INPP5E: variants seen among roughly 807,000 people sequenced by gnomAD.
INPP5E encodes phosphatidylinositol polyphosphate 5-phosphatase type IV.
Under a neutral mutation model 50.5 loss-of-function variants are expected in INPP5E, and 34 were observed. That is an observed-to-expected ratio of 0.67 (90% CI 0.51 to 0.90). The LOEUF is 0.90. Ranked by LOEUF, INPP5E falls within the 40% of genes least tolerant of loss-of-function variation. The pLI is 0.00. For missense variants in INPP5E, 942 were observed against 905.5 expected (o/e 1.04, Z -0.52); for synonymous variants, 447 against 406.0 (o/e 1.10, Z -1.21).
rs1835943591 is a variant in INPP5E, at chr9:136,439,576, C to A, written c.-157G>T. Reference sequence around the variant, plus strand: ...GGTCGCGGAGGGGCGGGGGCGGCTGCCGCATGGCCCGGGCCCCGAGTCCCG... The same window carrying A: ...GGTCGCGGAGGGGCGGGGGCGGCTGACGCATGGCCCGGGCCCCGAGTCCCG... On this transcript the variant is annotated 5_prime_UTR_variant, in exon 1 of 10. Coordinates refer to ENST00000371712, the MANE Select transcript of INPP5E (RefSeq NM_019892.6). 4.3e-6 allele frequency: 2 copies of A among 461,120 alleles called. No individual in the cohort carries two copies. The highest frequency in any genetic ancestry group is 9.0e-5 in the South Asian group (1 of 11,128). The allele number at this position is 461,120 out of a possible 1,614,324, so 28.6% of individuals were successfully genotyped here. A position where few individuals can be genotyped will look rare whatever the true frequency, so the allele number is the denominator to read the frequency against.
rs145202738 is a variant in INPP5E, at chr9:136,438,205, G to A, written c.812+403C>T. 1,753 of 243,590 alleles carry A rather than the reference G, an allele frequency of 7.2e-3. 28 individuals are homozygous for A. Among genetic ancestry groups the A allele is most frequent in the African/African-American group, 0.037 (1,599 of 43,622 alleles). The allele number at this position is 243,590 out of a possible 1,614,324, so 15.1% of individuals were successfully genotyped here. On this transcript the variant is annotated intron_variant, in intron 1 of 9. Transcript: ENST00000371712. ...CAGGAGGATCCCTTGAACCCAGGAG[G>A]CAGAGGTTGCAGTGAGCCGGGATCG...
chr9:136,435,720 G>A (rs1417861300), intron 1 of INPP5E: 2 of 152,258 alleles, frequency 1.3e-5, no homozygotes, highest in South Asian at 4.2e-4. Flanking sequence ...GCCGCTCCGT[G>A]GGACATCCAG....
chr9:136,433,051 G>A lies in INPP5E; in HGVS notation c.1184C>T (p.Thr395Ile). The A allele has an allele frequency of 6.2e-7, 1 of 1,613,376 alleles. No individual in the cohort carries two copies. Among genetic ancestry groups the A allele is most frequent in the Non-Finnish European group, 8.5e-7 (1 of 1,179,938 alleles). ...GGTCTTGATCTGAGACACGATGCGTGTGGTCACCGTGGAGCACTCCACCTC... is the reference window on the plus strand; with the variant it reads ...GGTCTTGATCTGAGACACGATGCGTATGGTCACCGTGGAGCACTCCACCTC... ...CSEVECSTVT[T>I]RIVSQIKTKG... Residue 395 changes from threonine to isoleucine, a missense_variant, in exon 5 of 10, where the codon ACA becomes ATA. Transcript: ENST00000371712.
At position 136,429,578 on chromosome 9, in the gene INPP5E, G is replaced by T; in HGVS notation, c.*97C>A. 2 of 1,516,232 alleles carry T rather than the reference G, an allele frequency of 1.3e-6. No individual in the cohort carries two copies. Among genetic ancestry groups the T allele is most frequent in the Non-Finnish European group, 1.8e-6 (2 of 1,103,354 alleles). The allele number at this position is 1,516,232 out of a possible 1,614,324, so 93.9% of individuals were successfully genotyped here. On this transcript the variant is annotated 3_prime_UTR_variant, in exon 10 of 10. Transcript: ENST00000371712. The stretch of plus-strand genomic sequence containing the variant: ...AGAGGCACGGTCGCCACAGTCCCTC[G>T]GATCCCCGAAAGGCGGCAAACTCTT...
At chr9:136,436,341 C>T (rs982762669) in intron 1 of INPP5E, 7 of 152,396 alleles carry the variant, frequency 4.6e-5, no homozygotes, top group African/African-American at 1.7e-4. Flanking sequence ...GCCGGCAGCG[C>T]CCATCATGTC....
At chr9:136,429,925 G>C in intron 9 of INPP5E, 118 bp from the exon 10 acceptor site, 1 of 785,260 alleles carries the variant, frequency 1.3e-6, no homozygotes, top group Non-Finnish European at 2.2e-6. Context: ...AGGATGAGGG[G>C]CTGTTAGGTG....
In INPP5E at chr9:136,434,813, TCCGCC is replaced by T; in HGVS notation, c.858_862del (p.Ala287Ter). The T allele has an allele frequency of 1.9e-6, 3 of 1,606,820 alleles. No homozygotes were observed. Among genetic ancestry groups the T allele is most frequent in the Non-Finnish European group, 2.5e-6 (3 of 1,177,116 alleles). On this transcript the variant is annotated frameshift_variant, in exon 2 of 10. Coordinates refer to ENST00000371712, the MANE Select transcript of INPP5E (RefSeq NM_019892.6). LOFTEE classifies it high-confidence loss of function. ...GTCTGGGAAGTAGCGGGCCAGCTCA[TCCGCC>T]CCCAACAGGGCCCCGCTGGCCAGGA...
chr9:136,430,318 CA>C lies in INPP5E; in HGVS notation c.1760del (p.Val587GlyfsTer7), dbSNP rs775518991. On this transcript the variant is annotated frameshift_variant, in exon 9 of 10. Coordinates refer to ENST00000371712, the MANE Select transcript of INPP5E (RefSeq NM_019892.6). LOFTEE classifies it high-confidence loss of function. ...PGIKTSDHRP[V>X]YGLFRVKVRP... ...TCACTTTCACCCGGAAGAGGCCATA[CA>C]CAGGGCGGTGGTCGGACGTCTTGAT... 64 of 1,551,940 alleles carry C rather than the reference CA, an allele frequency of 4.1e-5. No individual in the cohort carries two copies. Among genetic ancestry groups the C allele is most frequent in the Non-Finnish European group, 5.5e-5 (63 of 1,147,152 alleles).
chr9:136,438,447 T>C, intron 1 of INPP5E, 161 bp downstream of exon 1: 2 of 684,066 alleles, frequency 2.9e-6, no homozygotes, highest in South Asian at 3.4e-5. Flanking sequence ...GGCGCTGCTG[T>C]GGGGTGGGGC....
In INPP5E at chr9:136,439,040, C is replaced by A; in HGVS notation, c.380G>T (p.Ser127Ile). 1 of 1,579,246 alleles carries A rather than the reference C, an allele frequency of 6.3e-7. No individual in the cohort carries two copies. The highest frequency in any genetic ancestry group is 1.2e-5 in the South Asian group (1 of 86,744). The change falls in exon 1 of 10, where the codon AGC becomes ATC. Residue 127 changes from serine (S) to isoleucine (I), a missense_variant. Physicochemically the swap from Ser to Ile is moderately radical, Grantham distance 142 (BLOSUM62 -2). Transcript: ENST00000371712. Reference sequence around the variant, plus strand: ...GGTGCTCAGGCAGGGCGGGGAGCAGCTGTGGGCGGGGGCCCCGGGGCCCTC... The same window carrying A: ...GGTGCTCAGGCAGGGCGGGGAGCAGATGTGGGCGGGGGCCCCGGGGCCCTC... Reference protein sequence around the residue: ...QSEGPGAPAHSCSPPCLSTSL... With the variant: ...QSEGPGAPAHICSPPCLSTSL...
intron 2 of INPP5E, 112 bp from the exon 3 acceptor site, chr9:136,434,246 A>T: frequency 1.3e-6 from 1 of 776,046 alleles, no homozygotes; most frequent in South Asian, 1.5e-5. Context: ...ATGAGGGGAA[A>T]CTGAGGCCAG....
At chr9:136,434,509 C>T (rs1016424253) in intron 2 of INPP5E, among the ~76,000 whole-genome samples, 1 of 151,940 alleles carries the variant, frequency 6.6e-6, no homozygotes, top group South Asian at 2.1e-4. Context: ...GCCCCAACCC[C>T]CTCCCCTACT....
rs752987677 is a variant in INPP5E at position 136,438,715 on chromosome 9, G to A, written c.705C>T (p.Gly235=). 5.6e-6 allele frequency: 9 copies of A among 1,607,534 alleles called. No homozygotes were observed. The highest frequency in any genetic ancestry group is 5.5e-5 in the South Asian group (5 of 90,552). Residue 235 remains glycine, a synonymous_variant, in exon 1 of 10, where the codon GGC becomes GGT. Coordinates refer to ENST00000371712, the MANE Select transcript of INPP5E (RefSeq NM_019892.6). The stretch of plus-strand genomic sequence containing the variant: ...CCAGGGGGCTCCGCGGCCGGCCGGG[G>A]CCCAGGCTGCTGTGGGCCCGCACCA... ...PLLVRAHSSL[G]PGRPRSPLAC...
Position 136,439,680 on chromosome 9 carries a change from T to G in INPP5E, c.-261A>C, listed in dbSNP as rs1346317755. 9.3e-6 allele frequency: 3 copies of G among 321,990 alleles called. No individual in the cohort carries two copies. Among genetic ancestry groups the G allele is most frequent in the African/African-American group, 4.3e-5 (2 of 46,022 alleles). 19.9% of individuals were successfully genotyped at this position (321,990 alleles called of 1,614,324 possible). On this transcript the variant is annotated 5_prime_UTR_variant, in exon 1 of 10. Coordinates refer to ENST00000371712, the MANE Select transcript of INPP5E (RefSeq NM_019892.6). ...CTGGGGGAACAGGCGGCTGGGCGCC[T>G]GTCGCGGGGGAGGTTCGACCCCGAC...
In INPP5E at chr9:136,439,278, G is replaced by A; in HGVS notation, c.142C>T (p.Pro48Ser). 2 of 1,457,866 alleles carry A rather than the reference G, an allele frequency of 1.4e-6. No individual in the cohort carries two copies. Among genetic ancestry groups the A allele is most frequent in the Non-Finnish European group, 1.8e-6 (2 of 1,114,224 alleles). 90.3% of individuals were successfully genotyped at this position (1,457,866 alleles called of 1,614,324 possible). ...GCCGGAGTGCTGCAGGCAAGCGCGGGGCTCTCGGAGCCCGGAGCATCGGGT... is the reference window on the plus strand; with the variant it reads ...GCCGGAGTGCTGCAGGCAAGCGCGGAGCTCTCGGAGCCCGGAGCATCGGGT... The part of the protein sequence containing the change: ...SPPDAPGSES[P>S]ALACSTPATP... The change falls in exon 1 of 10, where the codon CCC becomes TCC. Residue 48 changes from proline to serine, a missense_variant. Transcript: ENST00000371712.
In INPP5E at chr9:136,439,253, G is replaced by A; in HGVS notation, c.167C>T (p.Ala56Val). Residue 56 changes from alanine (A) to valine (V), a missense_variant, in exon 1 of 10, where the codon GCC (alanine) becomes GTC (valine). By Grantham distance (64) the Ala-to-Val change is moderately conservative. Transcript: ENST00000371712. ...ESPALACSTP[A>V]TPSGEDPPAR... ...TGGCGGGTCCTCGCCGCTGGGCGTGGCCGGAGTGCTGCAGGCAAGCGCGGG... is the reference window on the plus strand; with the variant it reads ...TGGCGGGTCCTCGCCGCTGGGCGTGACCGGAGTGCTGCAGGCAAGCGCGGG... 2 of 1,512,046 alleles carry A rather than the reference G, an allele frequency of 1.3e-6. No homozygotes were observed. The highest frequency in any genetic ancestry group is 2.5e-5 in the South Asian group (2 of 81,106). The allele number at this position is 1,512,046 out of a possible 1,614,324, so 93.7% of individuals were successfully genotyped here.
At chr9:136,432,875 C>T in intron 5 of INPP5E, 81 bp downstream of exon 5, 1 of 1,544,502 alleles carries the variant, frequency 6.5e-7, no homozygotes, top group East Asian at 2.4e-5. Context: ...GCGGTCAGGA[C>T]CCCTGCCTTG....
rs1451464457 is a variant in INPP5E, at chr9:136,431,820, T to C, written c.1549+4A>G. 4.1e-6 allele frequency: 6 copies of C among 1,458,378 alleles called. No individual in the cohort carries two copies. The highest frequency in any genetic ancestry group is 5.5e-6 in the Non-Finnish European group (6 of 1,088,656). The allele number at this position is 1,458,378 out of a possible 1,614,324, so 90.3% of individuals were successfully genotyped here. A position where few individuals can be genotyped will look rare whatever the true frequency, so the allele number is the denominator to read the frequency against. On this transcript the variant is annotated splice_donor_region_variant and intron_variant, in intron 7 of 9. Coordinates refer to ENST00000371712, the MANE Select transcript of INPP5E (RefSeq NM_019892.6). ...CCTCCATGCCCGCCCCCCCAGGCCCTCACCTTTCCGCATCTCCCGGATGAG... is the reference window on the plus strand; with the variant it reads ...CCTCCATGCCCGCCCCCCCAGGCCCCCACCTTTCCGCATCTCCCGGATGAG...
In INPP5E at chr9:136,432,498, G is replaced by T. The variant is rs1835731335; in HGVS notation, c.1368C>A (p.Asn456Lys). Residue 456 changes from asparagine to lysine, a missense_variant, in exon 6 of 10, where the codon AAC (asparagine) becomes AAA (lysine). Transcript: ENST00000371712. ...LVLPRNVPDTNPYRSSAADVT... is the reference protein window; with the variant it reads ...LVLPRNVPDTKPYRSSAADVT... ...CCTCACCTGCGCTGGAGCGATAGGGGTTGGTGTCGGGCACATTTCTGGGCA... is the reference window on the plus strand; with the variant it reads ...CCTCACCTGCGCTGGAGCGATAGGGTTTGGTGTCGGGCACATTTCTGGGCA... 1 of 1,550,666 alleles carries T rather than the reference G, an allele frequency of 6.4e-7. No homozygotes were observed. The highest frequency in any genetic ancestry group is 8.7e-7 in the Non-Finnish European group (1 of 1,146,550).
Sources: allele counts gnomAD v4.1 joint callset (sites outside exome capture counted in the v4.1 genomes callset), GRCh38; gene constraint gnomAD v4.1.1; transcripts MANE v1.5; gene names NCBI Gene and HGNC (gene_info 2026-07-23, HGNC 2026-07-21).